ULK4: variants seen among roughly 807,000 people sequenced by gnomAD.
ULK4 encodes the protein inactive serine/threonine-protein kinase ULK4.
A neutral mutation model predicts 160.6 loss-of-function variants in ULK4; 133 were observed. That is an observed-to-expected ratio of 0.83 (90% CI 0.72 to 0.96). ULK4 has a LOEUF of 0.96. Ranked by LOEUF, ULK4 falls within the 40% of genes least tolerant of loss-of-function variation. ULK4 has a pLI of 0.00. For missense variants in ULK4, 1,580 were observed against 1,499.5 expected (o/e 1.05, Z -0.89); for synonymous variants, 534 against 539.8 (o/e 0.99, Z 0.15).
Position 41,764,999 on chromosome 3 carries a change from C to T in ULK4, c.2194-10511G>A, listed in dbSNP as rs558509880. Among the ~76,000 whole-genome samples, 476 of 152,238 alleles carry T rather than the reference C, an allele frequency of 3.1e-3. 1 individual carries two copies. The highest frequency in any genetic ancestry group is 0.011 in the African/African-American group (451 of 41,542). On this transcript the variant is annotated intron_variant, in intron 21 of 36. Transcript: ENST00000301831. ...TCAACCATTGTGGAAGCCAGTGTGG[C>T]GATTCCTCAGGGATCTAGAACTAGA...
rs549027932 is a variant in ULK4 at position 41,708,899 on chromosome 3, A to T, written c.2635-3594T>A. ...TAAAATTAAATTTTAAAATGTTTTTAAAAAGAATGTTTTAAAGTTATAGGA... is the reference window on the plus strand; with the variant it reads ...TAAAATTAAATTTTAAAATGTTTTTTAAAAGAATGTTTTAAAGTTATAGGA... On this transcript the variant is annotated intron_variant, in intron 25 of 36. Coordinates refer to ENST00000301831, the MANE Select transcript of ULK4 (RefSeq NM_017886.4). 4.6e-5 allele frequency among the ~76,000 whole-genome samples: 7 copies of T among 152,344 alleles called. No homozygotes were observed. The South Asian group carries it at 1.0e-3, about 23-fold the overall frequency.
Position 41,649,296 on chromosome 3 carries a change from A to G in ULK4, c.3071+14311T>C, listed in dbSNP as rs532312583. ...CAGCTGTAGTGGGGGAGGTGTGGCC[A>G]AGGATGCACACTCTGTGGGGCCAGC... is the stretch of plus-strand genomic sequence containing the variant. On this transcript the variant is annotated intron_variant, in intron 30 of 36. Transcript: ENST00000301831. Among the ~76,000 whole-genome samples, 4 of 152,076 alleles carry G rather than the reference A, an allele frequency of 2.6e-5. No individual in the cohort carries two copies. In the East Asian group the frequency reaches 7.7e-4, roughly 29 times the overall value.
At chr3:41,389,508 T>C (rs2081905283) in intron 35 of ULK4, among the ~76,000 whole-genome samples, 1 of 152,178 alleles carries the variant, frequency 6.6e-6, no homozygotes, top group Non-Finnish European at 1.5e-5. Context: ...GGCTGTGGGT[T>C]TGTCATAGAT....
intron 35 of ULK4, among the ~76,000 whole-genome samples, chr3:41,383,704 G>A (rs1317211366): frequency 1.3e-5 from 2 of 152,100 alleles, no homozygotes; most frequent in Non-Finnish European, 2.9e-5. Context: ...TTTCTTTTGT[G>A]TTTCTCCCAC....
rs960134617 is a variant in ULK4 at position 41,630,346 on chromosome 3, C to A, written c.3072-14629G>T. 3.9e-5 allele frequency among the ~76,000 whole-genome samples: 6 copies of A among 152,150 alleles called. No homozygotes were observed. The South Asian group carries it at 1.0e-3, about 26-fold the overall frequency. ...AATTCAGTTCCTTGCAGTTGTAGGG[C>A]TGAAGTCCTCATTTCCTTGCTGCTG... On this transcript the variant is annotated intron_variant, in intron 30 of 36. Transcript: ENST00000301831.
At chr3:41,839,895 A>G (rs776127613) in intron 17 of ULK4, among the ~76,000 whole-genome samples, 13 of 152,222 alleles carry the variant, frequency 8.5e-5, no homozygotes, top group Non-Finnish European at 1.9e-4. Flanking sequence ...TTGTATGCTG[A>G]AACTACACAA....
intron 2 of ULK4, 92 bp downstream of exon 2, chr3:41,954,530 T>A (rs1559674904): frequency 7.0e-6 from 10 of 1,419,234 alleles, no homozygotes; most frequent in Non-Finnish European, 9.5e-6. Context: ...GCATTTGATA[T>A]ATCAAATTCA....
chr3:41,628,853 G>C (rs970017361), intron 30 of ULK4, among the ~76,000 whole-genome samples: 3 of 152,074 alleles, frequency 2.0e-5, no homozygotes, highest in Non-Finnish European at 4.4e-5. Context: ...GACTCTGTAA[G>C]GTTAAAATTA....
At chr3:41,754,709 G>A (rs905271653) in intron 21 of ULK4, among the ~76,000 whole-genome samples, 8 of 152,062 alleles carry the variant, frequency 5.3e-5, no homozygotes, top group Non-Finnish European at 8.8e-5. Flanking sequence ...TGTTGTCCCC[G>A]CTTTAAAGAG....
chr3:41,677,544 G>C (rs1202337300), intron 29 of ULK4, among the ~76,000 whole-genome samples: 1 of 150,212 alleles, frequency 6.7e-6, no homozygotes, highest in African/African-American at 2.5e-5. Context: ...TGTTAGCCAG[G>C]ATGGTCTCAA....
chr3:41,928,951 A>G (rs1417641364), intron 5 of ULK4, among the ~76,000 whole-genome samples: 1 of 152,082 alleles, frequency 6.6e-6, no homozygotes, highest in Non-Finnish European at 1.5e-5. Context: ...ACTATTACAA[A>G]CAATATAAAA....
At chr3:41,453,163 GT>G (rs992646057) in intron 34 of ULK4, among the ~76,000 whole-genome samples, 1 of 152,042 alleles carries the variant, frequency 6.6e-6, no homozygotes, top group Non-Finnish European at 1.5e-5. Flanking sequence ...GTGAAATTGC[GT>G]TTTTTTGTTT....
intron 30 of ULK4, among the ~76,000 whole-genome samples, chr3:41,648,874 C>G (rs2034620357): frequency 6.6e-6 from 1 of 152,142 alleles, no homozygotes; most frequent in Non-Finnish European, 1.5e-5. Flanking sequence ...TGGCTCACAC[C>G]TATAATCCCA....
At chr3:41,769,891 T>G (rs929251749) in intron 21 of ULK4, among the ~76,000 whole-genome samples, 2 of 152,174 alleles carry the variant, frequency 1.3e-5, no homozygotes, top group African/African-American at 4.8e-5. Flanking sequence ...TCAATATGTA[T>G]AGCCTGGCCA....
intron 35 of ULK4, among the ~76,000 whole-genome samples, chr3:41,311,328 A>G (rs12485934): frequency 0.15 from 23,556 of 152,082 alleles, 2,191 homozygotes; most frequent in African/African-American, 0.25. Flanking sequence ...ATCTGAGTGG[A>G]CACCATCTAA....
At chr3:41,371,974 C>T (rs942900093) in intron 35 of ULK4, among the ~76,000 whole-genome samples, 2 of 151,730 alleles carry the variant, frequency 1.3e-5, no homozygotes, top group Non-Finnish European at 2.9e-5. Flanking sequence ...CTGAATAACA[C>T]AGTACAAGAA....
At chr3:41,634,741 T>C (rs2033882792) in intron 30 of ULK4, among the ~76,000 whole-genome samples, 1 of 152,192 alleles carries the variant, frequency 6.6e-6, no homozygotes, top group East Asian at 1.9e-4. Context: ...CCTTGATTTC[T>C]GTAGGAAAAG....
chr3:41,275,598 A>G (rs141163011), intron 35 of ULK4, among the ~76,000 whole-genome samples: 69 of 148,690 alleles, frequency 4.6e-4, no homozygotes, highest in African/African-American at 1.6e-3. Context: ...CTTTAAGAGA[A>G]TGGCCAAAGG....
At chr3:41,642,470 G>T (rs1180972673) in intron 30 of ULK4, among the ~76,000 whole-genome samples, 4 of 152,042 alleles carry the variant, frequency 2.6e-5, no homozygotes, top group Admixed American at 2.6e-4. Context: ...ATAGTTTACT[G>T]AGAATGATGA....
Sources: gnomAD v4.1 joint callset for allele counts (sites outside exome capture counted in the v4.1 genomes callset) on GRCh38, gnomAD v4.1.1 for gene constraint, MANE v1.5 for transcripts, NCBI Gene and HGNC (gene_info 2026-07-23, HGNC 2026-07-21) for gene names.